SPTBN5: variants seen among roughly 807,000 people sequenced by gnomAD.
SPTBN5 encodes spectrin beta chain, non-erythrocytic 5.
Under a neutral mutation model 477.6 loss-of-function variants are expected in SPTBN5, and 513 were observed. That is an observed-to-expected ratio of 1.07 (90% CI 1.00 to 1.16). The LOEUF is 1.16. Ranked by LOEUF, SPTBN5 falls within the 50% of genes most tolerant of loss-of-function variation. The pLI, the probability that SPTBN5 is intolerant of heterozygous loss-of-function variation, is 0.00. For synonymous variants in SPTBN5, 2,169 were observed against 2,011.7 expected, an observed-to-expected ratio of 1.08 and a Z score of -2.09; for missense variants, 5,062 against 4,731.8, an observed-to-expected ratio of 1.07 and a Z score of -2.05.
chr15:41,849,774 TC>T, intron 67 of SPTBN5, 94 bp downstream of exon 67: 1 of 959,898 alleles, frequency 1.0e-6, no homozygotes, highest in Non-Finnish European at 1.6e-6. Context: ...ACAGAGTAAG[TC>T]TGAGGCCCAG....
Position 41,883,126 on chromosome 15 carries a change from G to A in SPTBN5, c.1762C>T (p.His588Tyr). 6.2e-7 allele frequency: 1 copy of A among 1,612,402 alleles called. No individual in the cohort carries two copies. The highest frequency in any genetic ancestry group is 1.7e-5 in the Admixed American group (1 of 59,978). ...GTCTGCTGAGCAAGATGGCTCACAT[G>A]GGCTCCGTGGGCCGAGACTTGAGCC... ...LEAQVSAHGA[H>Y]VSHLAQQTAE... The change falls in exon 9 of 68, where the codon CAT (histidine) becomes TAT (tyrosine). Residue 588 changes from histidine (H) to tyrosine (Y), a missense_variant. Physicochemically the swap from His to Tyr is moderately conservative, Grantham distance 83. Transcript: ENST00000320955.
In SPTBN5 at chr15:41,862,205, AGCCCGCAGCCTCTGG is replaced by A; in HGVS notation, c.7458_7472del (p.Arg2488_Gln2492del). The A allele has an allele frequency of 6.2e-7, 1 of 1,611,320 alleles. No individual in the cohort carries two copies. The highest frequency in any genetic ancestry group is 1.7e-4 in the Middle Eastern group (1 of 6,058). On this transcript the variant is annotated inframe_deletion, in exon 44 of 68. Coordinates refer to ENST00000320955, the MANE Select transcript of SPTBN5 (RefSeq NM_016642.4). ...GAGGAGCGGGGCTCGTGTCCATCTG[AGCCCGCAGCCTCTGG>A]GCGCTGACCAGCAATTCCTGCAGCA... is the stretch of plus-strand genomic sequence containing the variant.
chr15:41,881,877 G>A, intron 12 of SPTBN5, 59 bp downstream of exon 12: 1 of 1,458,448 alleles, frequency 6.9e-7, no homozygotes, highest in Non-Finnish European at 9.0e-7. Flanking sequence ...TGTCCTCTGT[G>A]TGGCCCAGCC....
intron 7 of SPTBN5, among the ~76,000 whole-genome samples, chr15:41,884,277 C>T (rs570556890): frequency 3.3e-5 from 5 of 152,076 alleles, no homozygotes; most frequent in South Asian, 2.1e-4. Context: ...TGAGCCACTG[C>T]GCCCGGCCAA....
At chr15:41,881,294 C>T in intron 12 of SPTBN5, 60 bp from the exon 13 acceptor site, 3 of 1,420,648 alleles carry the variant, frequency 2.1e-6, no homozygotes, top group Admixed American at 2.1e-5. Flanking sequence ...GGGCTTTGGC[C>T]AGGCCACCCC....
chr15:41,887,836 T>C lies in SPTBN5; in HGVS notation c.659+92A>G. The C allele has an allele frequency of 2.3e-6, 3 of 1,318,920 alleles. No individual in the cohort carries two copies. The South Asian group carries it at 4.3e-5, about 19-fold the overall frequency. The allele number at this position is 1,318,920 out of a possible 1,614,324, so 81.7% of individuals were successfully genotyped here. On this transcript the variant is annotated intron_variant, in intron 5 of 67. Transcript: ENST00000320955. Reference sequence around the variant, plus strand: ...GTGTCCACTTTCCCTCCTTCAAGCCTAGGGATGTGGGAGAACGGGTGGGCT... The same window carrying C: ...GTGTCCACTTTCCCTCCTTCAAGCCCAGGGATGTGGGAGAACGGGTGGGCT...
At chr15:41,872,164 C>T in intron 27 of SPTBN5, 138 bp downstream of exon 27, 1 of 1,188,490 alleles carries the variant, frequency 8.4e-7, no homozygotes. Context: ...AAGAGGTGAG[C>T]AACACACACC....
chr15:41,862,592 C>T lies in SPTBN5; in HGVS notation c.7332G>A (p.Arg2444=), dbSNP rs2066150044. Reference sequence around the variant, plus strand: ...ACCAGCTCTCAGCCACCTCCTGCTGCCTGTGCCTGAGGCCGTGGGCTGCCT... The same window carrying T: ...ACCAGCTCTCAGCCACCTCCTGCTGTCTGTGCCTGAGGCCGTGGGCTGCCT... ...SPEAAHGLRH[R]QQEVAESWWQ... Residue 2444 remains arginine, a synonymous_variant, in exon 43 of 68, where the codon AGG becomes AGA. Coordinates refer to ENST00000320955, the MANE Select transcript of SPTBN5 (RefSeq NM_016642.4). 1.3e-6 allele frequency: 2 copies of T among 1,559,426 alleles called. No individual in the cohort carries two copies. Among genetic ancestry groups the T allele is most frequent in the Non-Finnish European group, 1.7e-6 (2 of 1,152,474 alleles).
Position 41,855,423 on chromosome 15 carries a change from T to C in SPTBN5, c.9224A>G (p.Lys3075Arg), listed in dbSNP as rs373442321. The C allele has an allele frequency of 5.1e-5, 81 of 1,601,950 alleles. No individual in the cohort carries two copies. The highest frequency in any genetic ancestry group is 6.3e-5 in the Non-Finnish European group (74 of 1,175,950). Residue 3075 changes from lysine (K) to arginine (R), a missense_variant, in exon 55 of 68, where the codon AAG becomes AGG. Physicochemically the swap from Lys to Arg is conservative, Grantham distance 26 (BLOSUM62 2). Transcript: ENST00000320955. ...LESRKNPESP[K>R]VLAQLQAVRE... ...AACTGCCTGCAGCTGGGCTAGCACC[T>C]TGGGGCTGTGGGAAGAGAGCGACAG...
chr15:41,888,008 G>A lies in SPTBN5; in HGVS notation c.579C>T (p.Ser193=). Residue 193 remains serine, a synonymous_variant, in exon 5 of 68, where the codon AGC becomes AGT. Coordinates refer to ENST00000320955, the MANE Select transcript of SPTBN5 (RefSeq NM_016642.4). ...AATCTGTAATGTTCACGTTGGTGTA[G>A]CTGGCTGTCTTCCGCTGGCACCAGA... ...LLVWCQRKTA[S]YTNVNITDFS... 1 of 1,599,894 alleles carries A rather than the reference G, an allele frequency of 6.3e-7. No individual in the cohort carries two copies. Among genetic ancestry groups the A allele is most frequent in the Non-Finnish European group, 8.5e-7 (1 of 1,173,580 alleles).
chr15:41,876,858 G>A lies in SPTBN5; in HGVS notation c.3802C>T (p.Arg1268Trp), dbSNP rs950682149. The part of the protein sequence containing the change: ...STLGPRAEAL[R>W]AHGEKLVQSQ... Reference sequence around the variant, plus strand: ...TGAACCAGCTTCTCGCCGTGTGCCCGCAGAGCCTCTGCCCGAGGCCCCAGG... The same window carrying A: ...TGAACCAGCTTCTCGCCGTGTGCCCACAGAGCCTCTGCCCGAGGCCCCAGG... Residue 1268 changes from arginine (R) to tryptophan (W), a missense_variant, in exon 19 of 68, where the codon CGG (arginine) becomes TGG (tryptophan). Transcript: ENST00000320955. The A allele has an allele frequency of 1.3e-5, 21 of 1,610,242 alleles. No homozygotes were observed. Among genetic ancestry groups the A allele is most frequent in the African/African-American group, 5.3e-5 (4 of 74,862 alleles).
At chr15:41,878,683 C>T in intron 16 of SPTBN5, 54 bp from the exon 17 acceptor site, 1 of 1,544,322 alleles carries the variant, frequency 6.5e-7, no homozygotes. Context: ...CCTGGTGCCC[C>T]AGGCACATGT....
intron 41 of SPTBN5, 34 bp downstream of exon 41, chr15:41,863,670 A>G: frequency 6.4e-7 from 1 of 1,569,898 alleles, no homozygotes; most frequent in Non-Finnish European, 8.8e-7. Flanking sequence ...GCATTTGCTC[A>G]CAGCCCCCAC....
At chr15:41,893,647 G>A in intron 1 of SPTBN5, 101 bp from the exon 2 acceptor site, 1 of 1,387,774 alleles carries the variant, frequency 7.2e-7, no homozygotes, top group Non-Finnish European at 9.5e-7. Context: ...TTTCATGGGG[G>A]TTGCAGCTTG....
intron 46 of SPTBN5, 26 bp from the exon 47 acceptor site, chr15:41,860,784 T>G: frequency 1.3e-6 from 2 of 1,496,730 alleles, no homozygotes; most frequent in East Asian, 5.0e-5. Context: ...AACCCAATAC[T>G]GTCCATGAGC....
At chr15:41,862,693 AG>A (rs1347117303) in intron 42 of SPTBN5, 33 bp from the exon 43 acceptor site, 2 of 1,541,270 alleles carry the variant, frequency 1.3e-6, no homozygotes, top group Non-Finnish European at 8.7e-7. Flanking sequence ...AGGCTGGGGC[AG>A]GGGAGCTCTG....
chr15:41,869,096 C>T (rs1406784935), intron 32 of SPTBN5, among the ~76,000 whole-genome samples: 2 of 152,318 alleles, frequency 1.3e-5, no homozygotes, highest in Non-Finnish European at 2.9e-5. Context: ...TACAACTATA[C>T]AAGATTGGTG....
chr15:41,854,103 C>T lies in SPTBN5; in HGVS notation c.9721G>A (p.Gly3241Ser), dbSNP rs957612386. 2 of 1,584,626 alleles carry T rather than the reference C, an allele frequency of 1.3e-6. No individual in the cohort carries two copies. Among genetic ancestry groups the T allele is most frequent in the Admixed American group, 1.8e-5 (1 of 56,270 alleles). ...GTCCGCACAGATGACAGGCTGTGGCCTCCGTCCTCCCCCTTCATCAGGGCC... is the reference window on the plus strand; with the variant it reads ...GTCCGCACAGATGACAGGCTGTGGCTTCCGTCCTCCCCCTTCATCAGGGCC... ...KTALMKGEDG[G>S]HSLSSVRTLQ... Residue 3241 changes from glycine to serine, a missense_variant, in exon 57 of 68, where the codon GGC becomes AGC. Coordinates refer to ENST00000320955, the MANE Select transcript of SPTBN5 (RefSeq NM_016642.4).
intron 18 of SPTBN5, 82 bp from the exon 19 acceptor site, chr15:41,877,030 T>C: frequency 6.3e-7 from 1 of 1,591,442 alleles, no homozygotes; most frequent in Non-Finnish European, 8.6e-7. Flanking sequence ...AGGGGCCTCC[T>C]GCCCAGCCTG....
Sources: allele counts gnomAD v4.1 joint callset (sites outside exome capture counted in the v4.1 genomes callset), GRCh38; gene constraint gnomAD v4.1.1; transcripts MANE v1.5; gene names NCBI Gene and HGNC (gene_info 2026-07-23, HGNC 2026-07-21).